Variants in SPOCK1 observed in about 807,000 individuals in gnomAD.
SPOCK1 encodes the protein SPARC (osteonectin), cwcv and kazal like domains proteoglycan 1.
In SPOCK1, 23 loss-of-function variants were observed where a neutral mutation model predicts 55.3. The observed-to-expected ratio is 0.42, with a 90% confidence interval of 0.30 to 0.59. The LOEUF (loss-of-function observed/expected upper bound fraction) is 0.59, where lower values mean the gene tolerates loss of function less well. SPOCK1 is among the 20% of genes least tolerant of loss of function. The pLI is 0.22. For synonymous variants in SPOCK1, 226 were observed against 221.0 expected, an observed-to-expected ratio of 1.02 and a Z score of -0.20; for missense variants, 499 against 552.5, an observed-to-expected ratio of 0.90 and a Z score of 0.97.
chr5:137,231,331 G>C (rs1221031817), intron 3 of SPOCK1, among the ~76,000 whole-genome samples: 5 of 152,312 alleles, frequency 3.3e-5, no homozygotes, highest in Non-Finnish European at 7.3e-5. Context: ...ATAGGCGTGA[G>C]CCACCGCACC....
intron 2 of SPOCK1, among the ~76,000 whole-genome samples, chr5:137,367,510 A>G (rs1049235944): frequency 6.6e-6 from 1 of 152,226 alleles, no homozygotes; most frequent in Admixed American, 6.5e-5. Context: ...TGAAAAAAAT[A>G]TAAATAACTC....
intron 5 of SPOCK1, among the ~76,000 whole-genome samples, chr5:137,093,937 G>A (rs1223616526): frequency 6.6e-6 from 1 of 152,210 alleles, no homozygotes; most frequent in Non-Finnish European, 1.5e-5. Context: ...CAGCTGCTCT[G>A]TGAAGAACAG....
At chr5:137,467,918 C>T (rs1201862756) in intron 2 of SPOCK1, among the ~76,000 whole-genome samples, 1 of 152,152 alleles carries the variant, frequency 6.6e-6, no homozygotes, top group Non-Finnish European at 1.5e-5. Flanking sequence ...GCAAATTGAC[C>T]CTCCATGGTT....
intron 4 of SPOCK1, among the ~76,000 whole-genome samples, chr5:137,126,419 C>T (rs1260968146): frequency 2.6e-5 from 4 of 152,148 alleles, no homozygotes; most frequent in African/African-American, 7.2e-5. Flanking sequence ...ATTAAGATAG[C>T]AAAGGCCATT....
In SPOCK1 at chr5:136,977,492, A is replaced by G. The variant is rs1161391232; in HGVS notation, c.*1162T>C. On this transcript the variant is annotated 3_prime_UTR_variant, in exon 11 of 11. Coordinates refer to ENST00000394945, the MANE Select transcript of SPOCK1 (RefSeq NM_004598.4). Reference sequence around the variant, plus strand: ...TGTCAGTAGAAAGGGAGTAAAAGCAAAACATTGAGTTCAGAATTAGAAATT... The same window carrying G: ...TGTCAGTAGAAAGGGAGTAAAAGCAGAACATTGAGTTCAGAATTAGAAATT... The G allele has an allele frequency of 3.8e-6, 1 of 261,676 alleles. No homozygotes were observed. The highest frequency in any genetic ancestry group is 6.5e-5 in the East Asian group (1 of 15,334). The allele number at this position is 261,676 out of a possible 1,614,324, so 16.2% of individuals were successfully genotyped here.
intron 2 of SPOCK1, among the ~76,000 whole-genome samples, chr5:137,435,054 A>G (rs1221475671): frequency 2.0e-5 from 3 of 152,244 alleles, no homozygotes; most frequent in Admixed American, 6.5e-5. Flanking sequence ...TGTCATTTCT[A>G]AGCTTACATA....
intron 6 of SPOCK1, among the ~76,000 whole-genome samples, chr5:137,010,620 A>G (rs1385376207): frequency 2.6e-5 from 4 of 152,182 alleles, no homozygotes; most frequent in Non-Finnish European, 5.9e-5. Context: ...TTCCCTCACC[A>G]GCACACACAT....
chr5:137,362,578 T>C (rs1750974827), intron 2 of SPOCK1, among the ~76,000 whole-genome samples: 1 of 152,010 alleles, frequency 6.6e-6, no homozygotes, highest in African/African-American at 2.4e-5. Flanking sequence ...TCCACCCACC[T>C]CAGCCTCCCA....
chr5:137,315,371 C>T (rs561562289), intron 2 of SPOCK1, among the ~76,000 whole-genome samples: 4 of 152,250 alleles, frequency 2.6e-5, no homozygotes, highest in East Asian at 1.9e-4. Context: ...CCACGTATGG[C>T]GATGGATAGA....
In SPOCK1 at chr5:137,001,792, C is replaced by T. The variant is rs1039162714; in HGVS notation, c.590-9192G>A. ...GAGCTTCAGGGGCTGGGAGCACTTA[C>T]CCTTGAGAGGCTAATAGATAATAAG... On this transcript the variant is annotated intron_variant, in intron 6 of 10. Coordinates refer to ENST00000394945, the MANE Select transcript of SPOCK1 (RefSeq NM_004598.4). Among the ~76,000 whole-genome samples the T allele has an allele frequency of 2.0e-5, 3 of 152,262 alleles. No homozygotes were observed. The South Asian group carries it at 6.2e-4, about 32-fold the overall frequency.
intron 6 of SPOCK1, among the ~76,000 whole-genome samples, chr5:137,036,300 T>C (rs371132010): frequency 1.4e-5 from 2 of 146,752 alleles, no homozygotes; most frequent in African/African-American, 5.0e-5. Context: ...TTTTTTTTTT[T>C]CTTTAACAAT....
chr5:137,417,978 T>C (rs193242599), intron 2 of SPOCK1, among the ~76,000 whole-genome samples: 49 of 151,988 alleles, frequency 3.2e-4, no homozygotes, highest in African/African-American at 9.4e-4. Context: ...CAACAGGCCC[T>C]GGTGTGTGAT....
At chr5:137,089,683 G>A (rs567210966) in intron 5 of SPOCK1, among the ~76,000 whole-genome samples, 1 of 152,038 alleles carries the variant, frequency 6.6e-6, no homozygotes, top group African/African-American at 2.4e-5. Context: ...AAAATCATAG[G>A]TCCCCTCAAC....
chr5:137,267,670 A>G (rs1373570666), intron 2 of SPOCK1, among the ~76,000 whole-genome samples: 3 of 152,242 alleles, frequency 2.0e-5, no homozygotes, highest in African/African-American at 7.2e-5. Context: ...GGTTGCATCA[A>G]TTTATGCTCT....
intron 2 of SPOCK1, among the ~76,000 whole-genome samples, chr5:137,485,954 G>A (rs887477714): frequency 6.6e-6 from 1 of 152,158 alleles, no homozygotes; most frequent in African/African-American, 2.4e-5. Flanking sequence ...TGCATCAAGT[G>A]GGACATTTAT....
At chr5:137,414,086 C>A (rs1421280975) in intron 2 of SPOCK1, among the ~76,000 whole-genome samples, 2 of 152,216 alleles carry the variant, frequency 1.3e-5, no homozygotes, top group African/African-American at 4.8e-5. Context: ...AAAACACACA[C>A]AAGAAAATGT....
chr5:137,392,284 T>A (rs1038677684), intron 2 of SPOCK1, among the ~76,000 whole-genome samples: 9 of 152,156 alleles, frequency 5.9e-5, no homozygotes, highest in African/African-American at 2.2e-4. Context: ...TCCATAGACA[T>A]CCAACCGCCC....
intron 6 of SPOCK1, among the ~76,000 whole-genome samples, chr5:137,039,240 C>T (rs930365719): frequency 7.7e-6 from 1 of 130,254 alleles, no homozygotes; most frequent in Admixed American, 8.1e-5. Context: ...TCTAGAAAGA[C>T]TTTATCACTC....
rs572791578 is a variant in SPOCK1 at position 136,975,512 on chromosome 5, T to C, written c.*3142A>G. 6.5e-6 allele frequency: 1 copy of C among 152,714 alleles called. No individual in the cohort carries two copies. Among genetic ancestry groups the C allele is most frequent in the African/African-American group, 2.4e-5 (1 of 41,568 alleles). 9.5% of individuals were successfully genotyped at this position (152,714 alleles called of 1,614,324 possible). A position where few individuals can be genotyped will look rare whatever the true frequency, so the allele number is the denominator to read the frequency against. The stretch of plus-strand genomic sequence containing the variant: ...AGGATTTGATGGGCTCTCATTACAA[T>C]GCTATACATTTAACAGGAACAAACA... On this transcript the variant is annotated 3_prime_UTR_variant, in exon 11 of 11. Transcript: ENST00000394945.
Sources: allele counts gnomAD v4.1 joint callset (sites outside exome capture counted in the v4.1 genomes callset), GRCh38; gene constraint gnomAD v4.1.1; transcripts MANE v1.5; gene names NCBI Gene and HGNC (gene_info 2026-07-23, HGNC 2026-07-21).